Variants in KATNAL1 observed in about 807,000 individuals in gnomAD.
KATNAL1 encodes katanin p60 ATPase-containing subunit A-like 1.
KATNAL1 carries 32 observed loss-of-function variants against 55.2 expected under a neutral mutation model. The ratio of observed to expected loss-of-function variants is 0.58; its 90% CI spans 0.44 to 0.78. The LOEUF is 0.78. Ranked by LOEUF, KATNAL1 falls within the 30% of genes least tolerant of loss-of-function variation. KATNAL1 has a pLI of 0.00. For synonymous variants in KATNAL1, 193 were observed against 193.6 expected (o/e 1.00, Z 0.02); for missense variants, 466 against 600.9 (o/e 0.78, Z 2.35).
intron 4 of KATNAL1, among the ~76,000 whole-genome samples, chr13:30,242,577 T>A (rs1485304563): frequency 6.6e-6 from 1 of 152,094 alleles, no homozygotes; most frequent in Non-Finnish European, 1.5e-5. Context: ...GTAGCCAGTA[T>A]AATAAAATGT....
chr13:30,241,740 C>A lies in KATNAL1; in HGVS notation c.493-654G>T, dbSNP rs147210773. ...ATGAGTCAATCTCCTAAACTTCAAC[C>A]GGAAAAGAGACAAGAGAACAAGACA... On this transcript the variant is annotated intron_variant, in intron 4 of 10. Coordinates refer to ENST00000380615, the MANE Select transcript of KATNAL1 (RefSeq NM_032116.5). Among the ~76,000 whole-genome samples the A allele has an allele frequency of 4.4e-4, 67 of 152,132 alleles. 1 individual carries two copies. Among genetic ancestry groups the A allele is most frequent in the African/African-American group, 1.5e-3 (63 of 41,506 alleles).
intron 4 of KATNAL1, among the ~76,000 whole-genome samples, chr13:30,245,891 C>T (rs1411953025): frequency 2.0e-5 from 3 of 152,168 alleles, no homozygotes; most frequent in African/African-American, 7.2e-5. Context: ...CTCAAGGATA[C>T]AAGAGAGGAC....
At chr13:30,264,536 A>G (rs1209864147) in intron 3 of KATNAL1, among the ~76,000 whole-genome samples, 1 of 151,318 alleles carries the variant, frequency 6.6e-6, no homozygotes, top group African/African-American at 2.4e-5. Context: ...GAAAAAAACA[A>G]ACAACCCCAT....
rs972424636 is a variant in KATNAL1, at chr13:30,202,751, C to T, written c.*5789G>A. ...GGAAAAACACATTTAATAAATACAA[C>T]TTGGAAACGTCTTTTTCTTTAAATT... On this transcript the variant is annotated 3_prime_UTR_variant, in exon 11 of 11. Transcript: ENST00000380615. The T allele has an allele frequency of 2.0e-5, 3 of 152,124 alleles. No homozygotes were observed. Among genetic ancestry groups the T allele is most frequent in the Non-Finnish European group, 2.9e-5 (2 of 68,020 alleles). 9.4% of individuals were successfully genotyped at this position (152,124 alleles called of 1,614,324 possible).
chr13:30,277,492 T>C (rs1166656536), intron 3 of KATNAL1, among the ~76,000 whole-genome samples: 2 of 152,246 alleles, frequency 1.3e-5, no homozygotes, highest in Non-Finnish European at 2.9e-5. Context: ...ATCCAATGAC[T>C]GTTATCTAAC....
chr13:30,249,164 G>A (rs1415532862), intron 4 of KATNAL1, among the ~76,000 whole-genome samples: 3 of 152,110 alleles, frequency 2.0e-5, no homozygotes, highest in Admixed American at 6.5e-5. Context: ...CCTGGGAGGC[G>A]GAGGTTGCAG....
chr13:30,237,075 C>G (rs1425625938), intron 6 of KATNAL1, among the ~76,000 whole-genome samples: 2 of 152,172 alleles, frequency 1.3e-5, no homozygotes, highest in Non-Finnish European at 2.9e-5. Context: ...GTCACACTGT[C>G]CTCAACAAAT....
intron 9 of KATNAL1, among the ~76,000 whole-genome samples, chr13:30,223,903 T>C (rs1394294452): frequency 1.3e-5 from 2 of 152,208 alleles, no homozygotes; most frequent in African/African-American, 2.4e-5. Context: ...AAGCTCAGAA[T>C]AAACATTCTA....
chr13:30,227,313 T>G, intron 9 of KATNAL1, 99 bp downstream of exon 9: 1 of 1,178,132 alleles, frequency 8.5e-7, no homozygotes, highest in Non-Finnish European at 1.2e-6. Flanking sequence ...TGTGATGCTA[T>G]AAACTTCTTT....
intron 9 of KATNAL1, among the ~76,000 whole-genome samples, chr13:30,216,860 C>T (rs1036403865): frequency 6.6e-6 from 1 of 152,216 alleles, no homozygotes; most frequent in Non-Finnish European, 1.5e-5. Context: ...TTCTTACAGA[C>T]CCAATATTAG....
intron 1 of KATNAL1, among the ~76,000 whole-genome samples, chr13:30,287,621 C>A (rs567159606): frequency 8.5e-4 from 129 of 152,300 alleles, no homozygotes; most frequent in African/African-American, 3.0e-3. Context: ...GAATACAGGA[C>A]AACCACACAA....
intron 4 of KATNAL1, among the ~76,000 whole-genome samples, chr13:30,254,717 T>C (rs17074481): frequency 0.035 from 5,260 of 152,314 alleles, 102 homozygotes; most frequent in African/African-American, 0.051. Context: ...TGTGGCAATT[T>C]GATTACATTA....
rs758374345 is a variant in KATNAL1, at chr13:30,280,224, CT to C, written c.163-2del. On this transcript the variant is annotated splice_acceptor_variant, in intron 2 of 10. Transcript: ENST00000380615. LOFTEE classifies it high-confidence loss of function. Reference sequence around the variant, plus strand: ...ATTCCTCCAATAATTCCTGCCGAACCTTAAAAAAAAAAAATAGGCTTTATGC... The same window carrying C: ...ATTCCTCCAATAATTCCTGCCGAACCTAAAAAAAAAAAATAGGCTTTATGC... 5.8e-6 allele frequency: 9 copies of C among 1,553,670 alleles called. No individual in the cohort carries two copies. Among genetic ancestry groups the C allele is most frequent in the African/African-American group, 4.3e-5 (3 of 69,794 alleles).
chr13:30,307,241 C>T (rs1026954384), intron 1 of KATNAL1, 90 bp downstream of exon 1: 7 of 152,288 alleles, frequency 4.6e-5, no homozygotes, highest in Admixed American at 3.9e-4. Flanking sequence ...GCCCTGGCGT[C>T]TCCGGCAGTG....
intron 3 of KATNAL1, among the ~76,000 whole-genome samples, chr13:30,269,897 G>A (rs959413988): frequency 2.0e-5 from 3 of 151,214 alleles, no homozygotes; most frequent in Admixed American, 6.6e-5. Context: ...CGTCCAGGAG[G>A]GGGGGGTCAG....
At chr13:30,295,518 T>C (rs1039632492) in intron 1 of KATNAL1, among the ~76,000 whole-genome samples, 3 of 152,044 alleles carry the variant, frequency 2.0e-5, no homozygotes, top group South Asian at 2.1e-4. Flanking sequence ...AATCTCAACA[T>C]TTCGGGAGGC....
chr13:30,284,227 A>C (rs1881621693), intron 1 of KATNAL1, among the ~76,000 whole-genome samples: 1 of 152,168 alleles, frequency 6.6e-6, no homozygotes, highest in Non-Finnish European at 1.5e-5. Context: ...TTACAACACT[A>C]AACAACGTTT....
intron 6 of KATNAL1, among the ~76,000 whole-genome samples, chr13:30,232,968 C>G (rs947269631): frequency 5.9e-5 from 9 of 152,030 alleles, no homozygotes; most frequent in South Asian, 2.1e-4. Context: ...AGACCATATA[C>G]AAAAATAAAA....
Position 30,287,039 on chromosome 13 carries a change from C to T in KATNAL1, c.-14-3248G>A, listed in dbSNP as rs953434586. ...TACTCCCCTTATATCTAGAAAGTAACTAACTTGCTTTTGAAGCAGGCTCAT... is the reference window on the plus strand; with the variant it reads ...TACTCCCCTTATATCTAGAAAGTAATTAACTTGCTTTTGAAGCAGGCTCAT... On this transcript the variant is annotated intron_variant, in intron 1 of 10. Coordinates refer to ENST00000380615, the MANE Select transcript of KATNAL1 (RefSeq NM_032116.5). Among the ~76,000 whole-genome samples the T allele has an allele frequency of 5.9e-5, 9 of 152,282 alleles. No individual in the cohort carries two copies. The South Asian group carries it at 8.3e-4, about 14-fold the overall frequency.
Sources: allele counts gnomAD v4.1 joint callset (sites outside exome capture counted in the v4.1 genomes callset), GRCh38; gene constraint gnomAD v4.1.1; transcripts MANE v1.5; gene names NCBI Gene and HGNC (gene_info 2026-07-23, HGNC 2026-07-21).